The following LBP variants were observed in gnomAD, a reference collection of about 807,000 sequenced individuals.
LBP encodes lipopolysaccharide-binding protein.
Under a neutral mutation model 56.6 loss-of-function variants are expected in LBP, and 53 were observed. The observed-to-expected ratio is 0.94, with a 90% CI of 0.75 to 1.18. LBP has a LOEUF of 1.18. LBP is among the 50% of genes most tolerant of loss of function. The pLI, the probability that LBP is intolerant of heterozygous loss-of-function variation, is 0.00. For synonymous variants in LBP, 227 were observed against 247.5 expected, an observed-to-expected ratio of 0.92 and a Z score of 0.78; for missense variants, 601 against 598.3, an observed-to-expected ratio of 1.00 and a Z score of -0.05.
At chr20:38,368,230 T>G (rs578086350) in intron 9 of LBP, among the ~76,000 whole-genome samples, 39 of 152,048 alleles carry the variant, frequency 2.6e-4, no homozygotes, top group African/African-American at 9.2e-4. Context: ...GGAGAAACCT[T>G]GGGAGAGGTA....
chr20:38,359,270 G>A (rs2076851411), intron 5 of LBP, among the ~76,000 whole-genome samples: 1 of 151,752 alleles, frequency 6.6e-6, no homozygotes, highest in Non-Finnish European at 1.5e-5. Context: ...TTTATCTTAG[G>A]TTTTCATAGA....
chr20:38,371,940 C>T (rs1174899488), intron 12 of LBP, among the ~76,000 whole-genome samples: 4 of 152,220 alleles, frequency 2.6e-5, no homozygotes, highest in African/African-American at 9.7e-5. Context: ...CTCCAGGAGG[C>T]AGGATTTGCA....
intron 5 of LBP, among the ~76,000 whole-genome samples, chr20:38,356,451 CA>C (rs1568829290): frequency 2.8e-4 from 34 of 120,236 alleles, no homozygotes; most frequent in East Asian, 2.0e-3. Context: ...CACACACACA[CA>C]CACCCTCGTC....
chr20:38,347,268 G>T (rs2076804221), intron 1 of LBP, among the ~76,000 whole-genome samples: 1 of 152,216 alleles, frequency 6.6e-6, no homozygotes, highest in Admixed American at 6.5e-5. Context: ...GGCAGGCCAG[G>T]CACAGTGGCT....
chr20:38,370,743 TAA>T lies in LBP; in HGVS notation c.1156_1157del (p.Asn386CysfsTer48). On this transcript the variant is annotated frameshift_variant, in exon 11 of 15. Coordinates refer to ENST00000217407, the MANE Select transcript of LBP (RefSeq NM_004139.5). LOFTEE classifies it high-confidence loss of function. The stretch of plus-strand genomic sequence containing the variant: ...CCTTCTTCTGGCATTTCCAGGCCAC[TAA>T]TGTGTCCGCCACCTTGACCTTCAAT... ...EPVFRLSVAT[N>X]VSATLTFNTS... is the part of the protein sequence containing the mutation. 1 of 1,614,120 alleles carries T rather than the reference TAA, an allele frequency of 6.2e-7. No individual in the cohort carries two copies. The highest frequency in any genetic ancestry group is 1.3e-5 in the African/African-American group (1 of 75,050).
rs1780624 is a variant in LBP, at chr20:38,360,648, G to T, written c.589-56G>T. The T allele has an allele frequency of 1.1e-5, 13 of 1,226,574 alleles. No homozygotes were observed. In the Middle Eastern group the frequency reaches 7.6e-4, roughly 71 times the overall value. The allele number at this position is 1,226,574 out of a possible 1,614,324, so 76.0% of individuals were successfully genotyped here. A position where few individuals can be genotyped will look rare whatever the true frequency, so the allele number is the denominator to read the frequency against. On this transcript the variant is annotated intron_variant, in intron 5 of 14. Transcript: ENST00000217407. ...ATAATGTGACTGCAGTGATCAGCACGGGGCCAGACCAGAGCTGGGGAACTC... is the reference window on the plus strand; with the variant it reads ...ATAATGTGACTGCAGTGATCAGCACTGGGCCAGACCAGAGCTGGGGAACTC...
At chr20:38,375,609 C>T (rs986740530) in intron 14 of LBP, among the ~76,000 whole-genome samples, 1 of 152,110 alleles carries the variant, frequency 6.6e-6, no homozygotes, top group Non-Finnish European at 1.5e-5. Flanking sequence ...ACTTAAGGTT[C>T]TTTTTAAAGC....
In LBP at chr20:38,374,017, G is replaced by A. The variant is rs747306272; in HGVS notation, c.1401+4G>A. ...CCTTGGGCTGCAGATCCATAAGGTC[G>A]GTGGGTTCAGGGGGGCTCTGAGGAT... is the stretch of plus-strand genomic sequence containing the variant. On this transcript the variant is annotated splice_donor_region_variant and intron_variant, in intron 14 of 14. Transcript: ENST00000217407. The A allele has an allele frequency of 4.3e-6, 7 of 1,613,844 alleles. No homozygotes were observed. The highest frequency in any genetic ancestry group is 1.7e-5 in the Admixed American group (1 of 60,022).
At chr20:38,374,906 C>A (rs1292611203) in intron 14 of LBP, among the ~76,000 whole-genome samples, 1 of 148,664 alleles carries the variant, frequency 6.7e-6, no homozygotes, top group Admixed American at 6.7e-5. Flanking sequence ...GCCTGAGCCT[C>A]TGGAGTGGCT....
chr20:38,353,409 A>G lies in LBP; in HGVS notation c.369-875A>G, dbSNP rs144836688. 1.6e-3 allele frequency among the ~76,000 whole-genome samples: 239 copies of G among 151,540 alleles called. 1 individual carries two copies. The highest frequency in any genetic ancestry group is 5.7e-3 in the African/African-American group (236 of 41,280). On this transcript the variant is annotated intron_variant, in intron 3 of 14. Coordinates refer to ENST00000217407, the MANE Select transcript of LBP (RefSeq NM_004139.5). ...ACCACATTTTGCCCCATTGTTCTCA[A>G]AGGCTGCATAACATTGGGTGCCCAC...
intron 12 of LBP, among the ~76,000 whole-genome samples, 194 bp downstream of exon 12, chr20:38,371,516 A>G (rs2076900782): frequency 6.6e-6 from 1 of 152,240 alleles, no homozygotes; most frequent in South Asian, 2.1e-4. Flanking sequence ...AAAACAATAT[A>G]TAATTAAGTC....
intron 9 of LBP, among the ~76,000 whole-genome samples, chr20:38,367,274 C>T (rs6025208): frequency 0.59 from 89,014 of 151,694 alleles, 26,878 homozygotes; most frequent in African/African-American, 0.7. Context: ...GGCAACATGA[C>T]GAAACCCCAT....
At chr20:38,354,250 AG>A (rs769808532) in intron 3 of LBP, 33 bp from the exon 4 acceptor site, 109 of 1,591,852 alleles carry the variant, frequency 6.8e-5, no homozygotes, top group South Asian at 3.4e-4. Flanking sequence ...CCCCTGGTCT[AG>A]GAACTAACCA....
chr20:38,371,313 A>G lies in LBP; in HGVS notation c.1251A>G (p.Gly417=), dbSNP rs1367679133. The G allele has an allele frequency of 2.5e-6, 4 of 1,607,554 alleles. No homozygotes were observed. Among genetic ancestry groups the G allele is most frequent in the South Asian group, 1.1e-5 (1 of 90,760 alleles). Reference sequence around the variant, plus strand: ...TGGAACTGAAAGAATCCAAAGTTGGACTATTCAATGTAAGTTGTTTTTATT... The same window carrying G: ...TGGAACTGAAAGAATCCAAAGTTGGGCTATTCAATGTAAGTTGTTTTTATT... ...VKVELKESKV[G]LFNAELLEAL... The change falls in exon 12 of 15, where the codon GGA becomes GGG. Residue 417 remains glycine, a synonymous_variant. Coordinates refer to ENST00000217407, the MANE Select transcript of LBP (RefSeq NM_004139.5).
chr20:38,346,637 T>C lies in LBP; in HGVS notation c.121T>C (p.Tyr41His), dbSNP rs1363789334. The change falls in exon 1 of 15, where the codon TAT becomes CAT. Residue 41 changes from tyrosine to histidine, a missense_variant. Tyr to His is a moderately conservative substitution (Grantham distance 83). Coordinates refer to ENST00000217407, the MANE Select transcript of LBP (RefSeq NM_004139.5). ...VARITDKGLQ[Y>H]AAQEGLLALQ... ...CAGGATCACCGACAAGGGACTGCAG[T>C]ATGGTAAGAAGCCACATCTGCTGGC... The C allele has an allele frequency of 1.2e-6, 2 of 1,613,218 alleles. No homozygotes were observed. The highest frequency in any genetic ancestry group is 1.7e-5 in the Admixed American group (1 of 60,000).
chr20:38,366,580 A>T (rs1032031782), intron 8 of LBP, among the ~76,000 whole-genome samples, 189 bp from the exon 9 acceptor site: 17 of 152,230 alleles, frequency 1.1e-4, no homozygotes, highest in African/African-American at 3.6e-4. Flanking sequence ...CCCCGGGGAG[A>T]GCGGGCAGGA....
intron 6 of LBP, 40 bp from the exon 7 acceptor site, chr20:38,363,935 T>C: frequency 1.4e-6 from 2 of 1,425,908 alleles, no homozygotes; most frequent in Admixed American, 1.7e-5. Context: ...CAGCTGAAAG[T>C]GTCATCTGGC....
chr20:38,375,859 A>G (rs2083956015), intron 14 of LBP, among the ~76,000 whole-genome samples: 1 of 151,962 alleles, frequency 6.6e-6, no homozygotes, highest in Non-Finnish European at 1.5e-5. Flanking sequence ...GGCAGGGGGG[A>G]TGATTAGGGA....
intron 5 of LBP, among the ~76,000 whole-genome samples, chr20:38,357,040 A>G (rs573872103): frequency 1.3e-5 from 2 of 152,290 alleles, no homozygotes; most frequent in African/African-American, 4.8e-5. Context: ...TATTTTTAGT[A>G]GAGACGGGGT....
Sources: gnomAD v4.1 joint callset for allele counts (sites outside exome capture counted in the v4.1 genomes callset) on GRCh38, gnomAD v4.1.1 for gene constraint, MANE v1.5 for transcripts, NCBI Gene and HGNC (gene_info 2026-07-23, HGNC 2026-07-21) for gene names.